The following LUZP2 variants were observed in gnomAD, a reference collection of about 807,000 sequenced individuals.
The protein encoded by LUZP2 is leucine zipper protein 2.
In LUZP2, 52 loss-of-function variants were observed where a neutral mutation model predicts 51.6. The observed-to-expected ratio is 1.01, with a 90% CI of 0.81 to 1.27. The LOEUF is 1.27. Ranked by LOEUF, LUZP2 falls within the 50% of genes most tolerant of loss-of-function variation. The pLI is 0.00. For synonymous variants in LUZP2, 154 were observed against 137.3 expected (o/e 1.12, Z -0.85); for missense variants, 436 against 395.4 (o/e 1.10, Z -0.87).
intron 5 of LUZP2, among the ~76,000 whole-genome samples, chr11:24,815,619 C>T (rs576812188): frequency 4.6e-5 from 7 of 152,278 alleles, no homozygotes; most frequent in Middle Eastern, 3.4e-3. Flanking sequence ...CCCCTTAAAG[C>T]AGTAGTATCT....
At position 24,786,332 on chromosome 11, in the gene LUZP2, C is replaced by T. The variant is rs966625549; in HGVS notation, c.396+23024C>T. The T allele has an allele frequency of 1.7e-5, 17 of 981,892 alleles. No individual in the cohort carries two copies. The African/African-American group carries it at 2.8e-4, about 16-fold the overall frequency. 60.8% of individuals were successfully genotyped at this position (981,892 alleles called of 1,614,324 possible). A position where few individuals can be genotyped will look rare whatever the true frequency, so the allele number is the denominator to read the frequency against. On this transcript the variant is annotated intron_variant, in intron 5 of 11. Coordinates refer to ENST00000336930, the MANE Select transcript of LUZP2 (RefSeq NM_001009909.4). ...TATTTTACCACGGGAAAAAAGTAGT[C>T]AGAATTCATGGGCATATCTAATAAA...
At position 24,497,101 on chromosome 11, in the gene LUZP2, C is replaced by A; in HGVS notation, c.-143C>A. Reference sequence around the variant, plus strand: ...CCAGCGCCTGCCTTCCCCAGGCGTCCGTTCGTGTGCCCGTCTCCGCCTTTC... The same window carrying A: ...CCAGCGCCTGCCTTCCCCAGGCGTCAGTTCGTGTGCCCGTCTCCGCCTTTC... On this transcript the variant is annotated 5_prime_UTR_variant, in exon 1 of 12. Coordinates refer to ENST00000336930, the MANE Select transcript of LUZP2 (RefSeq NM_001009909.4). The A allele has an allele frequency of 1.6e-6, 1 of 622,248 alleles. No individual in the cohort carries two copies. Among genetic ancestry groups the A allele is most frequent in the Non-Finnish European group, 2.5e-6 (1 of 397,124 alleles). The allele number at this position is 622,248 out of a possible 1,614,324, so 38.5% of individuals were successfully genotyped here. A position where few individuals can be genotyped will look rare whatever the true frequency, so the allele number is the denominator to read the frequency against.
intron 9 of LUZP2, among the ~76,000 whole-genome samples, chr11:25,009,652 C>T (rs1264545111): frequency 6.6e-6 from 1 of 151,990 alleles, no homozygotes; most frequent in African/African-American, 2.4e-5. Flanking sequence ...TTCTATTTTT[C>T]GTTTTACCTC....
intron 9 of LUZP2, among the ~76,000 whole-genome samples, chr11:24,985,315 T>G (rs1856158450): frequency 6.6e-6 from 1 of 151,722 alleles, no homozygotes; most frequent in South Asian, 2.1e-4. Context: ...TCCTTGTTTG[T>G]TTTCTAGATA....
intron 1 of LUZP2, among the ~76,000 whole-genome samples, chr11:24,622,962 C>G (rs1385954342): frequency 3.3e-5 from 5 of 152,044 alleles, no homozygotes; most frequent in Admixed American, 3.3e-4. Flanking sequence ...AAAAGAGAAG[C>G]AAAACTGTTT....
At position 24,994,335 on chromosome 11, in the gene LUZP2, A is replaced by G. The variant is rs929116277; in HGVS notation, c.765+11042A>G. ...TATATGTTGTATTTGGTAGTGATCAAACTTCATTTGTCTGCATGTGGCATC... is the reference window on the plus strand; with the variant it reads ...TATATGTTGTATTTGGTAGTGATCAGACTTCATTTGTCTGCATGTGGCATC... On this transcript the variant is annotated intron_variant, in intron 9 of 11. Transcript: ENST00000336930. 9.2e-5 allele frequency among the ~76,000 whole-genome samples: 14 copies of G among 152,262 alleles called. 1 individual carries two copies. The highest frequency in any genetic ancestry group is 5.2e-4 in the Admixed American group (8 of 15,286).
intron 7 of LUZP2, among the ~76,000 whole-genome samples, chr11:24,964,660 AC>A (rs928421300): frequency 8.5e-5 from 13 of 152,096 alleles, no homozygotes; most frequent in African/African-American, 2.4e-5. Context: ...CCTAGCAATT[AC>A]TACCTCCTAG....
chr11:24,913,998 A>G (rs116895737), intron 6 of LUZP2, among the ~76,000 whole-genome samples: 1,804 of 152,276 alleles, frequency 0.012, 18 homozygotes, highest in Non-Finnish European at 0.017. Flanking sequence ...AACAACATTC[A>G]GCTCAGCATG....
chr11:24,585,175 GA>G, intron 1 of LUZP2, among the ~76,000 whole-genome samples: 1 of 152,082 alleles, frequency 6.6e-6, no homozygotes, highest in Non-Finnish European at 1.5e-5. Context: ...TAAATTTACT[GA>G]AAAATGGAGA....
chr11:24,920,094 TG>T (rs1565108955), intron 7 of LUZP2, among the ~76,000 whole-genome samples: 1 of 151,826 alleles, frequency 6.6e-6, no homozygotes, highest in East Asian at 1.9e-4. Flanking sequence ...CTTACTTTTT[TG>T]GGGAGGTAGG....
At chr11:24,873,679 C>T (rs1852155640) in intron 5 of LUZP2, among the ~76,000 whole-genome samples, 1 of 151,678 alleles carries the variant, frequency 6.6e-6, no homozygotes, top group Non-Finnish European at 1.5e-5. Context: ...CTCTCACACT[C>T]CTTATTATTT....
intron 4 of LUZP2, among the ~76,000 whole-genome samples, chr11:24,758,989 T>C (rs1388441253): frequency 6.6e-6 from 1 of 152,098 alleles, no homozygotes; most frequent in African/African-American, 2.4e-5. Context: ...TAATTCTGTT[T>C]AAAAATACTC....
chr11:24,758,418 G>A (rs1385102458), intron 4 of LUZP2, among the ~76,000 whole-genome samples: 1 of 151,488 alleles, frequency 6.6e-6, no homozygotes, highest in Non-Finnish European at 1.5e-5. Flanking sequence ...TGGAATCTAG[G>A]GAAAGATTAA....
chr11:24,616,115 A>G (rs555515791), intron 1 of LUZP2, among the ~76,000 whole-genome samples: 1 of 151,802 alleles, frequency 6.6e-6, no homozygotes, highest in African/African-American at 2.4e-5. Context: ...ATACCAGTAT[A>G]TAGTTTCACC....
chr11:24,771,490 A>G (rs1440304453), intron 5 of LUZP2, among the ~76,000 whole-genome samples: 1 of 150,380 alleles, frequency 6.6e-6, no homozygotes, highest in Non-Finnish European at 1.5e-5. Context: ...TCCATAGCAC[A>G]TCATAGTTCA....
intron 1 of LUZP2, among the ~76,000 whole-genome samples, chr11:24,501,971 C>A (rs936492264): frequency 1.4e-4 from 21 of 152,138 alleles, no homozygotes; most frequent in African/African-American, 5.1e-4. Context: ...CAATATCCTG[C>A]CACACTTACT....
intron 1 of LUZP2, among the ~76,000 whole-genome samples, chr11:24,728,611 A>G (rs1858584298): frequency 6.6e-6 from 1 of 151,994 alleles, no homozygotes; most frequent in Non-Finnish European, 1.5e-5. Context: ...TTTGTTCTCA[A>G]AATAATGCCC....
At chr11:24,667,087 A>G (rs1856237211) in intron 1 of LUZP2, among the ~76,000 whole-genome samples, 1 of 152,166 alleles carries the variant, frequency 6.6e-6, no homozygotes, top group African/African-American at 2.4e-5. Context: ...ATACATATTA[A>G]GCATTACTAA....
intron 5 of LUZP2, chr11:24,892,447 C>T: frequency 2.1e-6 from 2 of 930,710 alleles, no homozygotes; most frequent in South Asian, 5.0e-5. Context: ...TATAATTCAA[C>T]ATTTATACCA....
Sources: allele counts gnomAD v4.1 joint callset (sites outside exome capture counted in the v4.1 genomes callset), GRCh38; gene constraint gnomAD v4.1.1; transcripts MANE v1.5; gene names NCBI Gene and HGNC (gene_info 2026-07-23, HGNC 2026-07-21).